The following AMBRA1 variants were observed in gnomAD, a reference collection of about 807,000 sequenced individuals.
AMBRA1 encodes autophagy and beclin 1 regulator 1.
Under a neutral mutation model 125.4 loss-of-function variants are expected in AMBRA1, and 47 were observed. The observed-to-expected ratio is 0.37, with a 90% CI of 0.30 to 0.48. The LOEUF is 0.48. Among genes scored for constraint, AMBRA1 ranks in the 20% least tolerant of loss-of-function variants. The pLI is 0.99. For missense variants in AMBRA1, 1,331 were observed against 1,693.4 expected (o/e 0.79, Z 3.76); for synonymous variants, 626 against 655.5 (o/e 0.95, Z 0.69).
At chr11:46,459,427 TTATATTTA>T (rs1168068782) in intron 11 of AMBRA1, among the ~76,000 whole-genome samples, 2 of 152,134 alleles carry the variant, frequency 1.3e-5, no homozygotes, top group African/African-American at 4.8e-5. Context: ...ACACTGATAC[TTATATTTA>T]TAACAACTTA....
chr11:46,503,432 C>T (rs745843701), intron 9 of AMBRA1, among the ~76,000 whole-genome samples: 6 of 152,258 alleles, frequency 3.9e-5, no homozygotes, highest in African/African-American at 1.4e-4. Flanking sequence ...AAAACAATTA[C>T]AATTGATCAC....
At chr11:46,465,631 A>AG (rs1175314542) in intron 11 of AMBRA1, among the ~76,000 whole-genome samples, 8 of 152,202 alleles carry the variant, frequency 5.3e-5, no homozygotes, top group African/African-American at 1.9e-4. Flanking sequence ...GAGTGCAAAG[A>AG]GAAAAAGTGG....
At chr11:46,414,927 CCTCTG>C (rs1946468219) in intron 15 of AMBRA1, among the ~76,000 whole-genome samples, 1 of 152,086 alleles carries the variant, frequency 6.6e-6, no homozygotes, top group Non-Finnish European at 1.5e-5. Flanking sequence ...GGAGCTTGTT[CCTCTG>C]TCTTTGTGCT....
intron 11 of AMBRA1, among the ~76,000 whole-genome samples, chr11:46,486,875 C>T (rs964333267): frequency 6.6e-6 from 1 of 151,710 alleles, no homozygotes; most frequent in East Asian, 1.9e-4. Context: ...CACTGCACTC[C>T]AGCCTGGGTG....
chr11:46,414,590 A>G (rs911809935), intron 15 of AMBRA1, among the ~76,000 whole-genome samples: 2 of 152,152 alleles, frequency 1.3e-5, no homozygotes, highest in African/African-American at 4.8e-5. Context: ...GGCCGGAAGT[A>G]AGCAAGCACC....
At chr11:46,564,879 T>C (rs1033662775) in intron 1 of AMBRA1, among the ~76,000 whole-genome samples, 2 of 152,198 alleles carry the variant, frequency 1.3e-5, no homozygotes, top group African/African-American at 4.8e-5. Flanking sequence ...TATACATTAT[T>C]ATTTCTTCGA....
intron 11 of AMBRA1, among the ~76,000 whole-genome samples, chr11:46,447,675 A>C (rs1266452618): frequency 6.6e-6 from 1 of 152,114 alleles, no homozygotes; most frequent in East Asian, 1.9e-4. Context: ...GCACCACTGC[A>C]CTACAGCCTG....
intron 1 of AMBRA1, among the ~76,000 whole-genome samples, chr11:46,593,217 T>C (rs2044670269): frequency 6.6e-6 from 1 of 152,134 alleles, no homozygotes; most frequent in Admixed American, 6.6e-5. Flanking sequence ...ACTCACTGTT[T>C]TCATAACTTG....
At chr11:46,555,055 T>C (rs979364086) in intron 1 of AMBRA1, among the ~76,000 whole-genome samples, 4 of 151,992 alleles carry the variant, frequency 2.6e-5, no homozygotes, top group East Asian at 1.9e-4. Context: ...GCCCAGGTAA[T>C]AGAGTGAGAC....
At chr11:46,459,289 A>G (rs2136825974) in intron 11 of AMBRA1, among the ~76,000 whole-genome samples, 1 of 152,298 alleles carries the variant, frequency 6.6e-6, no homozygotes, top group East Asian at 1.9e-4. Context: ...AAACCAATCA[A>G]ACTTTGGAGA....
intron 9 of AMBRA1, among the ~76,000 whole-genome samples, chr11:46,500,946 C>T (rs951027089): frequency 6.6e-6 from 1 of 152,178 alleles, no homozygotes; most frequent in Non-Finnish European, 1.5e-5. Context: ...ACTTAAAATG[C>T]TTCAATGATT....
intron 1 of AMBRA1, among the ~76,000 whole-genome samples, chr11:46,559,128 C>T (rs757168643): frequency 1.1e-4 from 16 of 151,944 alleles, no homozygotes; most frequent in Non-Finnish European, 2.1e-4. Context: ...GGTGAAACCC[C>T]GTCTCTACTA....
At chr11:46,541,461 G>A (rs534662657) in intron 7 of AMBRA1, among the ~76,000 whole-genome samples, 2 of 152,118 alleles carry the variant, frequency 1.3e-5, no homozygotes, top group Non-Finnish European at 2.9e-5. Context: ...AAACTGCAGT[G>A]TTCCAAAAGA....
chr11:46,509,123 A>G (rs1269155205), intron 8 of AMBRA1, among the ~76,000 whole-genome samples: 1 of 152,252 alleles, frequency 6.6e-6, no homozygotes, highest in African/African-American at 2.4e-5. Context: ...GCACTGGGCA[A>G]TATGGAAGGT....
chr11:46,441,580 G>T (rs1420864978), intron 12 of AMBRA1, among the ~76,000 whole-genome samples: 1 of 152,062 alleles, frequency 6.6e-6, no homozygotes, highest in Non-Finnish European at 1.5e-5. Flanking sequence ...CAATTATCAA[G>T]AAATTTTAAG....
At chr11:46,593,727 A>T (rs1344163904) in intron 1 of AMBRA1, 101 bp downstream of exon 1, 2 of 381,350 alleles carry the variant, frequency 5.2e-6, no homozygotes, top group East Asian at 7.4e-5. Context: ...TGGCAGTGTC[A>T]CGGCGGCCGG....
In AMBRA1 at chr11:46,542,651, C is replaced by T; in HGVS notation, c.1366G>A (p.Gly456Ser). ...GTGTACACAGATGCCTGAGAGCCAC[C>T]TTCCTGCTGTCTCAGCACAGACAGC... ...SLLSVLRQQE[G>S]GSQASVYTSA... The change falls in exon 7 of 18, where the codon GGT (glycine) becomes AGT (serine). Residue 456 changes from glycine to serine, a missense_variant. Gly to Ser is a moderately conservative substitution (Grantham distance 56). Transcript: ENST00000683756. The surrounding 1 kb of genome is among the most constrained non-coding windows in gnomAD (Gnocchi z 5.9). 4.3e-6 allele frequency: 7 copies of T among 1,614,220 alleles called. No individual in the cohort carries two copies. The highest frequency in any genetic ancestry group is 5.9e-6 in the Non-Finnish European group (7 of 1,180,030).
chr11:46,427,603 G>C (rs1947211023), intron 14 of AMBRA1, among the ~76,000 whole-genome samples: 1 of 152,170 alleles, frequency 6.6e-6, no homozygotes, highest in African/African-American at 2.4e-5. Flanking sequence ...TCTTAAGTGG[G>C]GCTGAGAATC....
chr11:46,542,202 G>A lies in AMBRA1; in HGVS notation c.1815C>T (p.Ser605=). 6.2e-7 allele frequency: 1 copy of A among 1,613,934 alleles called. No individual in the cohort carries two copies. Among genetic ancestry groups the A allele is most frequent in the African/African-American group, 1.3e-5 (1 of 75,046 alleles). The change falls in exon 7 of 18, where the codon TCC becomes TCT. Residue 605 remains serine (S), a synonymous_variant. Transcript: ENST00000683756. The surrounding 1 kb of genome is among the most constrained non-coding windows in gnomAD (Gnocchi z 5.9). ...EASSSWQVPS[S]FESVPSSGSQ... Reference sequence around the variant, plus strand: ...TGCCACTTGATGGCACACTCTCAAAGGAGCTGGGGACCTGCCAAGAGGAAC... The same window carrying A: ...TGCCACTTGATGGCACACTCTCAAAAGAGCTGGGGACCTGCCAAGAGGAAC...
Sources: gnomAD v4.1 joint callset for allele counts (sites outside exome capture counted in the v4.1 genomes callset) on GRCh38, gnomAD v4.1.1 for gene constraint, Gnocchi (gnomAD v3.1) non-coding constraint, MANE v1.5 for transcripts, NCBI Gene and HGNC (gene_info 2026-07-23, HGNC 2026-07-21) for gene names.